FRMD3: variants seen among roughly 807,000 people sequenced by gnomAD.
FRMD3 encodes the protein FERM domain-containing protein 3.
FRMD3 carries 33 observed loss-of-function variants against 70.2 expected under a neutral mutation model. The observed-to-expected ratio is 0.47, with a 90% CI of 0.36 to 0.63. FRMD3 has a LOEUF of 0.63. FRMD3 is among the 20% of genes least tolerant of loss of function. The pLI, the probability that FRMD3 is intolerant of heterozygous loss-of-function variation, is 0.00. For synonymous variants in FRMD3, 279 were observed against 255.9 expected (o/e 1.09, Z -0.86); for missense variants, 632 against 711.4 (o/e 0.89, Z 1.27).
At chr9:83,403,997 T>C (rs1235072432) in intron 1 of FRMD3, among the ~76,000 whole-genome samples, 1 of 152,072 alleles carries the variant, frequency 6.6e-6, no homozygotes, top group Non-Finnish European at 1.5e-5. Context: ...TTAGCAGGCC[T>C]GTGACCCACA....
intron 4 of FRMD3, among the ~76,000 whole-genome samples, chr9:83,348,000 C>A (rs138591104): frequency 1.3e-5 from 2 of 152,060 alleles, no homozygotes; most frequent in Admixed American, 1.3e-4. Flanking sequence ...CTGAGAGGGG[C>A]GAGAAACTAG....
chr9:83,559,010 C>T, the FRMD3 span, among the ~76,000 whole-genome samples: 2 of 152,196 alleles, frequency 1.3e-5, no homozygotes, highest in African/African-American at 4.8e-5. Context: ...TTGATATGGA[C>T]TTTACTTCAG....
intron 1 of FRMD3, among the ~76,000 whole-genome samples, chr9:83,437,179 C>G (rs1427826652): frequency 6.6e-6 from 1 of 152,210 alleles, no homozygotes; most frequent in African/African-American, 2.4e-5. Flanking sequence ...ATTTGCTAAT[C>G]TTAAAGGTCT....
intron 13 of FRMD3, among the ~76,000 whole-genome samples, chr9:83,274,143 T>C (rs1833714543): frequency 6.6e-6 from 1 of 152,148 alleles, no homozygotes; most frequent in East Asian, 1.9e-4. Context: ...TTAAATGATA[T>C]AAAAAGCCTG....
At chr9:83,416,743 CT>C (rs1826454170) in intron 1 of FRMD3, among the ~76,000 whole-genome samples, 1 of 130,290 alleles carries the variant, frequency 7.7e-6, no homozygotes, top group Non-Finnish European at 1.6e-5. Flanking sequence ...ACATTTCTCT[CT>C]GTCTCTCTCT....
rs1829927521 is a variant in FRMD3, at chr9:83,537,682, G to A, written c.147+403C>T. ...CCCAGCTGATGCATGCCTTCTCCAC[G>A]TGGAAGAAGGGAGGAAATACCAGTG... On this transcript the variant is annotated intron_variant, in intron 1 of 13. Coordinates refer to ENST00000304195, the MANE Select transcript of FRMD3 (RefSeq NM_174938.6). The surrounding 1 kb of genome is among the most constrained non-coding windows in gnomAD (Gnocchi z 4.1). Among the ~76,000 whole-genome samples, 3 of 152,296 alleles carry A rather than the reference G, an allele frequency of 2.0e-5. No homozygotes were observed. The highest frequency in any genetic ancestry group is 2.1e-4 in the South Asian group (1 of 4,828).
the FRMD3 span, among the ~76,000 whole-genome samples, chr9:83,547,839 T>C: frequency 6.6e-6 from 1 of 152,202 alleles, no homozygotes; most frequent in South Asian, 2.1e-4. Context: ...ATATCACTTC[T>C]CAGTCTTTTG....
At chr9:83,472,624 T>C (rs770499893) in intron 1 of FRMD3, among the ~76,000 whole-genome samples, 42 of 152,332 alleles carry the variant, frequency 2.8e-4, no homozygotes, top group Non-Finnish European at 4.6e-4. Context: ...GTGACTTTTA[T>C]TTCATGAGAA....
chr9:83,569,087 A>G, the FRMD3 span, among the ~76,000 whole-genome samples: 2 of 152,196 alleles, frequency 1.3e-5, no homozygotes, highest in Non-Finnish European at 2.9e-5. Context: ...GCAGCAGTCT[A>G]GATAAACTTT....
rs111756646 is a variant in FRMD3, at chr9:83,420,429, T to C, written c.148-30721A>G. ...CAGATTAACAAATATACATATCCCATGATCATTCCCAAATCAGCTCAGTGC... is the reference window on the plus strand; with the variant it reads ...CAGATTAACAAATATACATATCCCACGATCATTCCCAAATCAGCTCAGTGC... On this transcript the variant is annotated intron_variant, in intron 1 of 13. Transcript: ENST00000304195. 5.9e-3 allele frequency among the ~76,000 whole-genome samples: 895 copies of C among 152,296 alleles called. 12 individuals carry two copies. Among genetic ancestry groups the C allele is most frequent in the African/African-American group, 0.02 (823 of 41,550 alleles).
intron 4 of FRMD3, among the ~76,000 whole-genome samples, chr9:83,348,742 C>T (rs920317502): frequency 6.6e-6 from 1 of 152,096 alleles, no homozygotes; most frequent in African/African-American, 2.4e-5. Context: ...CCTCTCTCCC[C>T]ATCTCCCACG....
chr9:83,519,288 A>C (rs572504093), intron 1 of FRMD3, among the ~76,000 whole-genome samples: 1 of 152,276 alleles, frequency 6.6e-6, no homozygotes, highest in East Asian at 1.9e-4. Flanking sequence ...ACTTAAACAA[A>C]TAACAAGAAA....
At chr9:83,304,521 T>C (rs1019252936) in intron 10 of FRMD3, among the ~76,000 whole-genome samples, 1 of 152,216 alleles carries the variant, frequency 6.6e-6, no homozygotes, top group Non-Finnish European at 1.5e-5. Flanking sequence ...TTTAGGGAGC[T>C]AGTCTGGGTT....
intron 1 of FRMD3, among the ~76,000 whole-genome samples, chr9:83,509,203 C>T (rs1829278947): frequency 6.6e-6 from 1 of 152,206 alleles, no homozygotes. Flanking sequence ...TACTCAGTCA[C>T]TTATGTGTTG....
At chr9:83,585,650 G>C in the FRMD3 span, among the ~76,000 whole-genome samples, 1 of 152,202 alleles carries the variant, frequency 6.6e-6, no homozygotes. Flanking sequence ...GAGGCAGAGA[G>C]ACAGGAGCGT....
chr9:83,485,028 G>A (rs184349223), intron 1 of FRMD3, among the ~76,000 whole-genome samples: 1 of 152,158 alleles, frequency 6.6e-6, no homozygotes, highest in Non-Finnish European at 1.5e-5. Context: ...TGTCCCAAAG[G>A]CCTCGGCCAG....
chr9:83,346,540 G>T (rs1476933689), intron 4 of FRMD3, among the ~76,000 whole-genome samples: 2 of 152,210 alleles, frequency 1.3e-5, no homozygotes, highest in Non-Finnish European at 2.9e-5. Context: ...AGGAACTTGG[G>T]AGAAAAGAGA....
intron 1 of FRMD3, among the ~76,000 whole-genome samples, chr9:83,457,736 A>T (rs1189518815): frequency 1.3e-5 from 2 of 152,162 alleles, no homozygotes; most frequent in African/African-American, 4.8e-5. Flanking sequence ...TGCAGAACCC[A>T]TGGGTATGGA....
At chr9:83,447,014 T>C (rs899705271) in intron 1 of FRMD3, among the ~76,000 whole-genome samples, 4 of 151,304 alleles carry the variant, frequency 2.6e-5, no homozygotes, top group African/African-American at 9.7e-5. Flanking sequence ...TTTTGTTTTG[T>C]TTTGTTTTGT....
Sources: allele counts gnomAD v4.1 joint callset (sites outside exome capture counted in the v4.1 genomes callset), GRCh38; gene constraint gnomAD v4.1.1; non-coding constraint Gnocchi (gnomAD v3.1); transcripts MANE v1.5; gene names NCBI Gene and HGNC (gene_info 2026-07-23, HGNC 2026-07-21).